The following PID1 variants were observed in gnomAD, a reference collection of about 807,000 sequenced individuals.
PID1 encodes the protein phosphotyrosine interaction domain containing 1.
In PID1, 10 loss-of-function variants were observed where a neutral mutation model predicts 19.1. The observed-to-expected ratio is 0.52, with a 90% CI of 0.32 to 0.89. The LOEUF (loss-of-function observed/expected upper bound fraction) is 0.89, where lower values mean the gene tolerates loss of function less well. PID1 is among the 40% of genes least tolerant of loss of function. The pLI, the probability that PID1 is intolerant of heterozygous loss-of-function variation, is 0.03. For missense variants in PID1, 248 were observed against 285.3 expected (o/e 0.87, Z 0.94); for synonymous variants, 130 against 116.0 (o/e 1.12, Z -0.78).
chr2:229,112,915 T>C (rs1487580426), intron 2 of PID1, among the ~76,000 whole-genome samples: 2 of 152,140 alleles, frequency 1.3e-5, no homozygotes, highest in African/African-American at 2.4e-5. Flanking sequence ...TGAACAATGT[T>C]TTCATTTTGC....
intron 1 of PID1, among the ~76,000 whole-genome samples, chr2:229,268,341 C>A (rs1690648303): frequency 6.6e-6 from 1 of 152,176 alleles, no homozygotes; most frequent in Non-Finnish European, 1.5e-5. Context: ...AGTTGCTACA[C>A]TCAAAAGTCC....
At chr2:229,059,120 T>C (rs1350573019) in intron 2 of PID1, among the ~76,000 whole-genome samples, 2 of 152,140 alleles carry the variant, frequency 1.3e-5, no homozygotes, top group Non-Finnish European at 1.5e-5. Flanking sequence ...ATGTTTTCTA[T>C]AGGACAAAAT....
At chr2:229,087,969 T>C (rs752236892) in intron 2 of PID1, among the ~76,000 whole-genome samples, 21 of 152,084 alleles carry the variant, frequency 1.4e-4, no homozygotes, top group Non-Finnish European at 2.6e-4. Flanking sequence ...TAATCACACA[T>C]GCACCCCCCA....
intron 2 of PID1, among the ~76,000 whole-genome samples, chr2:229,134,472 G>A (rs1689817915): frequency 6.6e-6 from 1 of 151,362 alleles, no homozygotes; most frequent in Non-Finnish European, 1.5e-5. Context: ...TCGAACTCCT[G>A]ACCTCATGAT....
At chr2:229,046,581 A>C (rs1028466795) in intron 2 of PID1, among the ~76,000 whole-genome samples, 1 of 152,066 alleles carries the variant, frequency 6.6e-6, no homozygotes. Context: ...AAAAGTAAAA[A>C]AAAAATTATA....
chr2:229,164,141 T>C (rs1690552041), intron 1 of PID1, among the ~76,000 whole-genome samples: 4 of 152,340 alleles, frequency 2.6e-5, no homozygotes, highest in Admixed American at 6.5e-5. Flanking sequence ...GCCAACTTTC[T>C]CGTTTATACT....
intron 2 of PID1, among the ~76,000 whole-genome samples, chr2:229,146,899 C>A (rs960099181): frequency 6.6e-6 from 1 of 152,124 alleles, no homozygotes; most frequent in Non-Finnish European, 1.5e-5. Context: ...ATGCAGGGGG[C>A]AAAGAATGGA....
chr2:229,033,738 C>G (rs1693603716), intron 2 of PID1, among the ~76,000 whole-genome samples: 2 of 152,072 alleles, frequency 1.3e-5, no homozygotes, highest in South Asian at 4.1e-4. Context: ...ACAATATGTA[C>G]CCAGCTGACA....
chr2:229,071,084 AT>A (rs36018552), intron 2 of PID1, among the ~76,000 whole-genome samples: 18,991 of 152,194 alleles, frequency 0.12, 1,480 homozygotes, highest in African/African-American at 0.22. Context: ...AAGCAAATGA[AT>A]GTTACTTGAT....
At chr2:229,132,122 G>A (rs182837101) in intron 2 of PID1, among the ~76,000 whole-genome samples, 60 of 152,210 alleles carry the variant, frequency 3.9e-4, no homozygotes, top group Non-Finnish European at 7.9e-4. Flanking sequence ...GCTCACTTCT[G>A]GGAGATGGAA....
chr2:229,213,011 G>A (rs1013008490), intron 1 of PID1, among the ~76,000 whole-genome samples: 4 of 152,066 alleles, frequency 2.6e-5, no homozygotes, highest in Admixed American at 1.3e-4. Context: ...AGAGGAAGGG[G>A]TTAAAAAATA....
chr2:229,123,424 G>C (rs867864495), intron 2 of PID1, among the ~76,000 whole-genome samples: 1 of 152,154 alleles, frequency 6.6e-6, no homozygotes, highest in East Asian at 1.9e-4. Flanking sequence ...CTATTTATCA[G>C]TTGATAGATA....
At chr2:229,141,971 G>T (rs1386468909) in intron 2 of PID1, among the ~76,000 whole-genome samples, 1 of 151,812 alleles carries the variant, frequency 6.6e-6, no homozygotes, top group Non-Finnish European at 1.5e-5. Context: ...CTACTAGCTG[G>T]ATAGTCAGGA....
intron 1 of PID1, among the ~76,000 whole-genome samples, chr2:229,255,814 G>C (rs1027420556): frequency 2.6e-5 from 4 of 152,118 alleles, no homozygotes; most frequent in Admixed American, 6.5e-5. Flanking sequence ...AACACTTCTA[G>C]TTTCTATGCC....
chr2:229,150,509 C>A (rs1690229318), intron 2 of PID1, among the ~76,000 whole-genome samples: 1 of 152,188 alleles, frequency 6.6e-6, no homozygotes, highest in Non-Finnish European at 1.5e-5. Flanking sequence ...TGCTAATGAT[C>A]CTGCTTTTCC....
chr2:229,206,708 C>CA (rs749535878), intron 1 of PID1, among the ~76,000 whole-genome samples: 1 of 152,198 alleles, frequency 6.6e-6, no homozygotes, highest in African/African-American at 2.4e-5. Flanking sequence ...GTTCTATCTA[C>CA]AAACCATCTG....
At chr2:229,135,347 T>A (rs1268144636) in intron 2 of PID1, among the ~76,000 whole-genome samples, 2 of 152,126 alleles carry the variant, frequency 1.3e-5, no homozygotes, top group African/African-American at 2.4e-5. Flanking sequence ...AAAAGTAAAG[T>A]GAGAAACCTT....
intron 2 of PID1, among the ~76,000 whole-genome samples, chr2:229,108,778 A>T (rs1233347146): frequency 1.3e-5 from 2 of 152,144 alleles, no homozygotes; most frequent in South Asian, 4.1e-4. Flanking sequence ...AGGAGCCTGG[A>T]CACAGTCGTC....
At chr2:229,152,274 A>C (rs1418925739) in intron 2 of PID1, among the ~76,000 whole-genome samples, 1 of 152,124 alleles carries the variant, frequency 6.6e-6, no homozygotes, top group African/African-American at 2.4e-5. Flanking sequence ...CCTGAGTCAA[A>C]ATTTCTGGGA....
Sources: allele counts gnomAD v4.1 joint callset (sites outside exome capture counted in the v4.1 genomes callset), GRCh38; gene constraint gnomAD v4.1.1; transcripts MANE v1.5; gene names NCBI Gene and HGNC (gene_info 2026-07-23, HGNC 2026-07-21).